EPB41: variants seen among roughly 807,000 people sequenced by gnomAD.
EPB41 encodes protein 4.1.
Under a neutral mutation model 108.0 loss-of-function variants are expected in EPB41, and 65 were observed. The observed-to-expected ratio is 0.60, with a 90% CI of 0.49 to 0.74. EPB41 has a LOEUF of 0.74. Among genes scored for constraint, EPB41 ranks in the 30% least tolerant of loss-of-function variants. The probability of loss-of-function intolerance (pLI) is 0.00; values close to 1 mark genes in which losing one functional copy is unlikely to be tolerated. For synonymous variants in EPB41, 336 were observed against 358.9 expected (o/e 0.94, Z 0.72); for missense variants, 875 against 1,037.0 (o/e 0.84, Z 2.15).
chr1:29,090,529 T>A (rs780265562), intron 16 of EPB41, among the ~76,000 whole-genome samples: 1 of 151,976 alleles, frequency 6.6e-6, no homozygotes, highest in African/African-American at 2.4e-5. Flanking sequence ...GGCAGGTGGA[T>A]CACCTGAGGT....
upstream of EPB41, among the ~76,000 whole-genome samples, chr1:28,909,819 T>G (rs1570362512): frequency 6.6e-6 from 1 of 151,390 alleles, no homozygotes; most frequent in East Asian, 1.9e-4. Flanking sequence ...ATACAATAGA[T>G]AGATAGATAG....
intron 1 of EPB41, among the ~76,000 whole-genome samples, chr1:28,935,661 C>G (rs1052422036): frequency 2.0e-5 from 3 of 151,988 alleles, no homozygotes; most frequent in Admixed American, 6.5e-5. Context: ...TGGCTCACTT[C>G]TGTAATCTCA....
At chr1:29,020,105 G>C (rs1276799264) in intron 7 of EPB41, among the ~76,000 whole-genome samples, 1 of 151,672 alleles carries the variant, frequency 6.6e-6, no homozygotes, top group African/African-American at 2.4e-5. Flanking sequence ...ATCTTGGTCT[G>C]TTGGCAAGGC....
intron 8 of EPB41, among the ~76,000 whole-genome samples, chr1:29,031,152 A>G (rs774086496): frequency 5.9e-5 from 9 of 152,180 alleles, no homozygotes; most frequent in Non-Finnish European, 1.2e-4. Context: ...AGTCAACTGT[A>G]TCAATTGAAT....
chr1:28,965,937 C>G (rs2095345299), intron 1 of EPB41, among the ~76,000 whole-genome samples: 1 of 152,120 alleles, frequency 6.6e-6, no homozygotes, highest in Admixed American at 6.6e-5. Context: ...AACCCCAGCA[C>G]TGTGGGAGGC....
At chr1:29,003,720 C>G (rs941118429) in intron 4 of EPB41, among the ~76,000 whole-genome samples, 3 of 152,146 alleles carry the variant, frequency 2.0e-5, no homozygotes, top group Non-Finnish European at 4.4e-5. Context: ...GTTCCCTTTT[C>G]CTACTGACTG....
chr1:29,104,898 A>C (rs1286099069), intron 17 of EPB41, among the ~76,000 whole-genome samples: 3 of 150,202 alleles, frequency 2.0e-5, no homozygotes, highest in Non-Finnish European at 4.4e-5. Context: ...TAATTTTTTA[A>C]TTTTTTGTAC....
chr1:29,039,094 G>T (rs1479685756), intron 10 of EPB41, among the ~76,000 whole-genome samples, 160 bp from the exon 11 acceptor site: 2 of 152,082 alleles, frequency 1.3e-5, no homozygotes, highest in Admixed American at 6.6e-5. Context: ...AAATGACAAA[G>T]AACTAAAATA....
intron 15 of EPB41, 153 bp from the exon 16 acceptor site, chr1:29,064,829 A>G: frequency 1.0e-6 from 1 of 953,690 alleles, no homozygotes; most frequent in Non-Finnish European, 1.5e-6. Flanking sequence ...CAAATATACC[A>G]TGTTGTATAT....
chr1:28,907,400 G>A (rs1025949516), intron 1 of EPB41, among the ~76,000 whole-genome samples: 17 of 151,292 alleles, frequency 1.1e-4, no homozygotes, highest in African/African-American at 1.9e-4. Context: ...GGGTCTCACC[G>A]TTACCCAGGC....
intron 1 of EPB41, among the ~76,000 whole-genome samples, chr1:28,953,035 T>C (rs2094801827): frequency 6.6e-6 from 1 of 151,916 alleles, no homozygotes; most frequent in African/African-American, 2.4e-5. Context: ...GGCCCAAATA[T>C]CTATTTAGTG....
intron 1 of EPB41, among the ~76,000 whole-genome samples, chr1:28,894,766 T>G (rs1431150446): frequency 6.6e-6 from 1 of 152,172 alleles, no homozygotes. Context: ...TTTCCCCGCA[T>G]AGGTGTGGGA....
rs140097829 is a variant in EPB41, at chr1:28,904,824, G to A, written c.-8+17614G>A. ...CAAGGCTGGTGGATCACAAGGTCAGGAGATCGAGACCATCCTGGCTAACAC... is the reference window on the plus strand; with the variant it reads ...CAAGGCTGGTGGATCACAAGGTCAGAAGATCGAGACCATCCTGGCTAACAC... On this transcript the variant is annotated intron_variant, in intron 1 of 16. Coordinates refer to the EPB41 transcript ENST00000347529. Among the ~76,000 whole-genome samples the A allele has an allele frequency of 8.2e-3, 1,248 of 152,162 alleles. 9 individuals are homozygous for A. The highest frequency in any genetic ancestry group is 0.014 in the South Asian group (67 of 4,822).
At chr1:29,017,205 A>G (rs1285363340) in intron 6 of EPB41, among the ~76,000 whole-genome samples, 1 of 152,186 alleles carries the variant, frequency 6.6e-6, no homozygotes, top group African/African-American at 2.4e-5. Context: ...ATTTTAGAGG[A>G]GTTTAAAATT....
Position 28,952,504 on chromosome 1 carries a change from C to T in EPB41, c.-7-34927C>T, listed in dbSNP as rs186077094. Among the ~76,000 whole-genome samples, 398 of 151,646 alleles carry T rather than the reference C, an allele frequency of 2.6e-3. 1 individual carries two copies. The highest frequency in any genetic ancestry group is 4.4e-3 in the Non-Finnish European group (296 of 67,932). On this transcript the variant is annotated intron_variant, in intron 1 of 20. Coordinates refer to ENST00000343067, the MANE Select transcript of EPB41 (RefSeq NM_001376013.1). ...TGGCACCACTGCACTCCAGCCTGGG[C>T]GACAGAGCAAAACTCCATTGCAAAA...
At chr1:28,913,214 C>A (rs571619428), upstream of EPB41, among the ~76,000 whole-genome samples, 6 of 152,046 alleles carry the variant, frequency 3.9e-5, no homozygotes, top group South Asian at 1.2e-3. Context: ...TTTGGGAGGC[C>A]GAGAAGGGCG....
chr1:29,054,138 T>A (rs1644965549), intron 12 of EPB41: 1 of 152,230 alleles, frequency 6.6e-6, no homozygotes. Flanking sequence ...TACTGCTGAG[T>A]TGCCTATGGT....
At chr1:28,944,950 G>T (rs1431586949) in intron 1 of EPB41, among the ~76,000 whole-genome samples, 5 of 151,834 alleles carry the variant, frequency 3.3e-5, no homozygotes, top group African/African-American at 9.7e-5. Context: ...AATTAGCCGA[G>T]CATGGTGGTG....
chr1:28,940,563 A>T (rs2094238571), intron 1 of EPB41, among the ~76,000 whole-genome samples: 1 of 152,134 alleles, frequency 6.6e-6, no homozygotes, highest in South Asian at 2.1e-4. Context: ...GAGGCAGGAA[A>T]ATCACTTGAA....
Sources: allele counts gnomAD v4.1 joint callset (sites outside exome capture counted in the v4.1 genomes callset), GRCh38; gene constraint gnomAD v4.1.1; transcripts MANE v1.5; gene names NCBI Gene and HGNC (gene_info 2026-07-23, HGNC 2026-07-21).